The following CD55 variants were observed in gnomAD, a reference collection of about 807,000 sequenced individuals.
CD55 encodes CD55 molecule (Cromer blood group), also known as complement decay-accelerating factor.
A neutral mutation model predicts 45.8 loss-of-function variants in CD55; 41 were observed. The observed-to-expected ratio is 0.90, with a 90% confidence interval of 0.70 to 1.16. The LOEUF (loss-of-function observed/expected upper bound fraction) is 1.16, where lower values mean the gene tolerates loss of function less well. Among genes scored for constraint, CD55 ranks in the 50% most tolerant of loss-of-function variants. CD55 has a pLI of 0.00. For missense variants in CD55, 416 were observed against 469.8 expected, an observed-to-expected ratio of 0.89 and a Z score of 1.06; for synonymous variants, 181 against 181.1, an observed-to-expected ratio of 1.00 and a Z score of 0.01.
intron 9 of CD55, among the ~76,000 whole-genome samples, chr1:207,355,951 C>T (rs922193715): frequency 2.6e-5 from 4 of 152,028 alleles, no homozygotes; most frequent in African/African-American, 9.7e-5. Flanking sequence ...CTTTTTCTTT[C>T]GAAGAAAACA....
rs1453805510 is a variant in CD55 at position 207,360,892 on chromosome 1, T to C, written c.*1282T>C. The C allele has an allele frequency of 3.9e-5, 6 of 152,198 alleles. No homozygotes were observed. Among genetic ancestry groups the C allele is most frequent in the Non-Finnish European group, 7.4e-5 (5 of 68,020 alleles). The allele number at this position is 152,198 out of a possible 1,614,324, so 9.4% of individuals were successfully genotyped here. On this transcript the variant is annotated 3_prime_UTR_variant, in exon 10 of 10. Transcript: ENST00000367064. ...GTTTTGTTGTTGAAGTACTTTAAAT[T>C]TCATACGTTCATGGCATTTCACTGT...
chr1:207,336,898 A>G, intron 7 of CD55, 80 bp downstream of exon 7: 1 of 1,510,422 alleles, frequency 6.6e-7, no homozygotes, highest in Non-Finnish European at 9.2e-7. Flanking sequence ...CTCCTCAGAA[A>G]CCCACCACAG....
chr1:207,321,798 G>T lies in CD55; in HGVS notation c.33G>T (p.Ala11=). The part of the protein sequence containing the change: MTVARPSVPA[A]LPLLGELPRL... ...TCGCGCGGCCGAGCGTGCCCGCGGC[G>T]CTGCCCCTCCTCGGGGAGCTGCCCC... is the stretch of plus-strand genomic sequence containing the variant. Residue 11 remains alanine, a synonymous_variant, in exon 1 of 10, where the codon GCG becomes GCT. Transcript: ENST00000367064. The T allele has an allele frequency of 6.6e-7, 1 of 1,525,946 alleles. No homozygotes were observed. 94.5% of individuals were successfully genotyped at this position (1,525,946 alleles called of 1,614,324 possible).
intron 9 of CD55, among the ~76,000 whole-genome samples, chr1:207,344,457 G>A (rs28739001): frequency 1.3e-5 from 2 of 152,000 alleles, no homozygotes; most frequent in African/African-American, 4.8e-5. Context: ...GCTTTCTTTT[G>A]TCTGGGAAAG....
intron 9 of CD55, among the ~76,000 whole-genome samples, chr1:207,346,438 A>T (rs1204846663): frequency 6.6e-6 from 1 of 152,098 alleles, no homozygotes; most frequent in Non-Finnish European, 1.5e-5. Flanking sequence ...GAAGAGGTAG[A>T]GTATTCCTAG....
At chr1:207,324,103 C>A (rs753713944) in intron 2 of CD55, among the ~76,000 whole-genome samples, 2 of 152,202 alleles carry the variant, frequency 1.3e-5, no homozygotes, top group Admixed American at 6.5e-5. Flanking sequence ...TTGACTCATC[C>A]TTGCCCCCAG....
At chr1:207,335,188 A>G (rs1655114950) in intron 6 of CD55, among the ~76,000 whole-genome samples, 1 of 79,716 alleles carries the variant, frequency 1.3e-5, no homozygotes, top group Admixed American at 1.1e-4. Context: ...ACTCATAGTT[A>G]GAAAATTCCA....
intron 9 of CD55, chr1:207,350,105 A>G (rs1359854441): frequency 1.8e-5 from 8 of 454,898 alleles, no homozygotes; most frequent in Non-Finnish European, 3.5e-5. Flanking sequence ...TTCTACAACA[A>G]TTGAGATGAT....
rs539894922 is a variant in CD55 at position 207,324,987 on chromosome 1, A to G, written c.478+237A>G. 3.6e-4 allele frequency among the ~76,000 whole-genome samples: 55 copies of G among 152,318 alleles called. 1 individual carries two copies. The highest frequency in any genetic ancestry group is 6.8e-3 in the Middle Eastern group (2 of 294). ...AGGTTACCTAAAATAAAACAAGTAT[A>G]TATTCTAAATTCGTTGCTTTTTCAA... is the stretch of plus-strand genomic sequence containing the variant. On this transcript the variant is annotated intron_variant, in intron 3 of 9. Transcript: ENST00000367064.
At chr1:207,350,909 T>C (rs1279171668) in intron 9 of CD55, among the ~76,000 whole-genome samples, 3 of 152,184 alleles carry the variant, frequency 2.0e-5, no homozygotes, top group African/African-American at 7.2e-5. Context: ...TGGTTTGCTC[T>C]TGTTTTTTCT....
At chr1:207,336,335 CTGT>C (rs1325554101) in intron 6 of CD55, among the ~76,000 whole-genome samples, 7 of 152,096 alleles carry the variant, frequency 4.6e-5, no homozygotes, top group African/African-American at 1.7e-4. Context: ...GAACAACATC[CTGT>C]TGTTCTTTAG....
rs533824018 is a variant in CD55 at position 207,333,331 on chromosome 1, C to T, written c.853+2035C>T. Among the ~76,000 whole-genome samples, 10 of 152,268 alleles carry T rather than the reference C, an allele frequency of 6.6e-5. 1 individual carries two copies. Among genetic ancestry groups the T allele is most frequent in the African/African-American group, 1.9e-4 (8 of 41,552 alleles). On this transcript the variant is annotated intron_variant, in intron 6 of 9. Transcript: ENST00000367064. ...TTCCAAAGGTGAAACAACAAAAATC[C>T]GCCAGGCTTTCAGTCAGAAGCCCGG...
chr1:207,324,980 C>G (rs545661241), intron 3 of CD55, among the ~76,000 whole-genome samples: 135 of 152,138 alleles, frequency 8.9e-4, no homozygotes, highest in Non-Finnish European at 1.6e-3. Context: ...TAAAATAAAA[C>G]AAGTATATAT....
At chr1:207,351,216 T>C (rs1429687429) in intron 9 of CD55, among the ~76,000 whole-genome samples, 1 of 152,170 alleles carries the variant, frequency 6.6e-6, no homozygotes, top group East Asian at 1.9e-4. Context: ...GTATGGTTAG[T>C]ATGATTTTGG....
At chr1:207,340,785 T>C in intron 9 of CD55, 1 of 447,170 alleles carries the variant, frequency 2.2e-6, no homozygotes, top group Non-Finnish European at 4.0e-6. Context: ...ATATATTGGT[T>C]TTATTTTCCT....
At chr1:207,332,707 A>G (rs1484997447) in intron 6 of CD55, among the ~76,000 whole-genome samples, 1 of 152,180 alleles carries the variant, frequency 6.6e-6, no homozygotes. Flanking sequence ...AACCATATGG[A>G]AGTACCCAAG....
intron 9 of CD55, chr1:207,354,041 A>G (rs755491446): frequency 5.2e-6 from 8 of 1,535,490 alleles, no homozygotes; most frequent in Admixed American, 2.0e-5. Context: ...TGTCTGGGTC[A>G]TCCCACATTT....
At chr1:207,336,904 C>T (rs1411088614) in intron 7 of CD55, 86 bp downstream of exon 7, 3 of 1,466,056 alleles carry the variant, frequency 2.0e-6, no homozygotes, top group Non-Finnish European at 2.9e-6. Flanking sequence ...AGAAACCCAC[C>T]ACAGTAAATG....
chr1:207,358,559 T>C (rs1363932925), intron 9 of CD55: 1 of 152,190 alleles, frequency 6.6e-6, no homozygotes, highest in Non-Finnish European at 1.5e-5. Flanking sequence ...CAATGTTGTG[T>C]TTGACCATTT....
Sources: allele counts gnomAD v4.1 joint callset (sites outside exome capture counted in the v4.1 genomes callset), GRCh38; gene constraint gnomAD v4.1.1; transcripts MANE v1.5; gene names NCBI Gene and HGNC (gene_info 2026-07-23, HGNC 2026-07-21).